GATAD2A: variants seen among roughly 807,000 people sequenced by gnomAD.
GATAD2A encodes the protein transcriptional repressor p66-alpha.
A neutral mutation model predicts 68.5 loss-of-function variants in GATAD2A; 12 were observed. The ratio of observed to expected loss-of-function variants is 0.18; its 90% confidence interval spans 0.11 to 0.28. The LOEUF is 0.28. GATAD2A is among the 10% of genes least tolerant of loss of function. The pLI is 1.00. For missense variants in GATAD2A, 755 were observed against 868.5 expected (o/e 0.87, Z 1.64); for synonymous variants, 410 against 375.3 (o/e 1.09, Z -1.07).
At chr19:19,461,585 C>T (rs544719187) in intron 1 of GATAD2A, among the ~76,000 whole-genome samples, 50 of 152,236 alleles carry the variant, frequency 3.3e-4, no homozygotes, top group Non-Finnish European at 4.6e-4. Flanking sequence ...GAGGTGCTCC[C>T]GGTCAGAGCT....
chr19:19,495,135 A>G (rs548635434), intron 5 of GATAD2A, among the ~76,000 whole-genome samples: 27 of 151,992 alleles, frequency 1.8e-4, no homozygotes, highest in Admixed American at 5.2e-4. Flanking sequence ...AGCCAGGATT[A>G]CAGGCACACA....
In GATAD2A at chr19:19,506,974, C is replaced by CA. The variant is rs960316700; in HGVS notation, c.*1500_*1501insA. On this transcript the variant is annotated 3_prime_UTR_variant, in exon 12 of 12. Transcript: ENST00000683918. ...AACATTCTAATAAAGGCTCATTTAA[C>CA]CCCCAGGCTCCTGTCGTGTGAATAT... is the stretch of plus-strand genomic sequence containing the variant. 12 of 152,176 alleles carry CA rather than the reference C, an allele frequency of 7.9e-5. No homozygotes were observed. Among genetic ancestry groups the CA allele is most frequent in the African/African-American group, 2.9e-4 (12 of 41,438 alleles). The allele number at this position is 152,176 out of a possible 1,614,324, so 9.4% of individuals were successfully genotyped here.
chr19:19,489,424 A>C (rs913666247), intron 2 of GATAD2A, among the ~76,000 whole-genome samples: 2 of 152,254 alleles, frequency 1.3e-5, no homozygotes, highest in African/African-American at 4.8e-5. Context: ...CATGTGACCA[A>C]GGAGGGAAAT....
intron 1 of GATAD2A, 59 bp from the exon 2 acceptor site, chr19:19,465,281 A>C: frequency 1.5e-6 from 2 of 1,322,234 alleles, no homozygotes; most frequent in Non-Finnish European, 2.2e-6. Flanking sequence ...AAAGTCTCCA[A>C]GAAGGTGGCA....
rs188137331 is a variant in GATAD2A, at chr19:19,409,716, G to A, written c.-7+3697G>A. On this transcript the variant is annotated intron_variant, in intron 1 of 11. Transcript: ENST00000683918. ...TTGAAGTGGTTGGTGGTTGCAGCGA[G>A]GTGGAAATAGTGAGACCCGTACTGT... is the stretch of plus-strand genomic sequence containing the variant. Among the ~76,000 whole-genome samples the A allele has an allele frequency of 2.2e-3, 321 of 148,808 alleles. 2 individuals are homozygous for A. The highest frequency in any genetic ancestry group is 0.017 in the South Asian group (78 of 4,670).
intron 2 of GATAD2A, among the ~76,000 whole-genome samples, chr19:19,473,520 C>T (rs958506258): frequency 6.6e-6 from 1 of 152,092 alleles, no homozygotes; most frequent in Admixed American, 6.6e-5. Flanking sequence ...CTTTTGCAGT[C>T]ACCAAGAGGG....
intron 4 of GATAD2A, among the ~76,000 whole-genome samples, chr19:19,493,002 G>T (rs974117558): frequency 1.4e-5 from 2 of 148,136 alleles, no homozygotes; most frequent in Non-Finnish European, 3.0e-5. Flanking sequence ...GTGCATTGAC[G>T]CAACCTTGGC....
intron 2 of GATAD2A, among the ~76,000 whole-genome samples, chr19:19,482,005 G>A (rs900446608): frequency 2.0e-5 from 3 of 152,100 alleles, no homozygotes; most frequent in African/African-American, 4.8e-5. Context: ...TACTCAGGAG[G>A]CTGAGGTGGG....
intron 5 of GATAD2A, 127 bp from the exon 6 acceptor site, chr19:19,495,627 T>C: frequency 1.1e-6 from 1 of 882,640 alleles, no homozygotes; most frequent in Middle Eastern, 3.6e-4. Context: ...TTAACTTCTC[T>C]GCTACTTAAA....
intron 1 of GATAD2A, among the ~76,000 whole-genome samples, chr19:19,395,156 A>G (rs2049133189): frequency 6.6e-6 from 1 of 152,172 alleles, no homozygotes; most frequent in South Asian, 2.1e-4. Flanking sequence ...CAAGTTGAGC[A>G]CAGAAAATAC....
At chr19:19,456,986 A>G (rs756193414) in intron 1 of GATAD2A, 37 of 456,638 alleles carry the variant, frequency 8.1e-5, no homozygotes, top group Non-Finnish European at 1.0e-4. Flanking sequence ...GAAGATCCCC[A>G]TGCTTCTATT....
upstream of GATAD2A, among the ~76,000 whole-genome samples, chr19:19,403,521 G>A (rs2049945593): frequency 6.6e-6 from 1 of 151,948 alleles, no homozygotes; most frequent in Non-Finnish European, 1.5e-5. Context: ...TCACTCCACA[G>A]GGGTGTGTCA....
intron 1 of GATAD2A, among the ~76,000 whole-genome samples, chr19:19,436,808 G>A (rs543519064): frequency 1.3e-5 from 2 of 152,188 alleles, no homozygotes; most frequent in Non-Finnish European, 2.9e-5. Flanking sequence ...GGAGAAGAAC[G>A]CAGAACTGAA....
At chr19:19,498,332 G>A (rs750653334) in intron 7 of GATAD2A, 111 bp from the exon 8 acceptor site, 68 of 967,136 alleles carry the variant, frequency 7.0e-5, no homozygotes, top group Non-Finnish European at 9.2e-5. Context: ...GGACGCCATC[G>A]TCAAGGGTAC....
chr19:19,436,427 T>G (rs1306442404), intron 1 of GATAD2A, among the ~76,000 whole-genome samples: 1 of 152,226 alleles, frequency 6.6e-6, no homozygotes, highest in Non-Finnish European at 1.5e-5. Flanking sequence ...AAAGAAACCA[T>G]TCTGATTGGT....
chr19:19,476,762 T>C (rs1389189276), intron 2 of GATAD2A, among the ~76,000 whole-genome samples: 1 of 152,134 alleles, frequency 6.6e-6, no homozygotes, highest in East Asian at 1.9e-4. Context: ...TGCAGGGGCA[T>C]GTGTGATCCC....
intron 1 of GATAD2A, among the ~76,000 whole-genome samples, chr19:19,454,873 C>G (rs1328643233): frequency 6.6e-6 from 1 of 152,108 alleles, no homozygotes. Context: ...ACAAATGTTG[C>G]GATGGTTGCG....
chr19:19,420,117 TCTCCTGTCTCAGCC>T (rs1368878487), intron 1 of GATAD2A, among the ~76,000 whole-genome samples: 1 of 147,224 alleles, frequency 6.8e-6, no homozygotes, highest in Non-Finnish European at 1.5e-5. Flanking sequence ...TTCAAGCGAT[TCTCCTGTCTCAGCC>T]CCCTGAGTAG....
At chr19:19,434,952 C>T (rs2147507986) in intron 1 of GATAD2A, 1 of 360,022 alleles carries the variant, frequency 2.8e-6, no homozygotes, top group East Asian at 8.2e-5. Context: ...GTAAACCTAG[C>T]ACTGCCTTCA....
Sources: gnomAD v4.1 joint callset for allele counts (sites outside exome capture counted in the v4.1 genomes callset) on GRCh38, gnomAD v4.1.1 for gene constraint, MANE v1.5 for transcripts, NCBI Gene and HGNC (gene_info 2026-07-23, HGNC 2026-07-21) for gene names.